MAP3K3: variants seen among roughly 807,000 people sequenced by gnomAD.
MAP3K3 encodes mitogen-activated protein kinase kinase kinase 3, also known as MAP/ERK kinase kinase 3.
Under a neutral mutation model 80.9 loss-of-function variants are expected in MAP3K3, and 12 were observed. That is an observed-to-expected ratio of 0.15 (90% CI 0.10 to 0.24). The LOEUF is 0.24. MAP3K3 is among the 10% of genes least tolerant of loss of function. The pLI, the probability that MAP3K3 is intolerant of heterozygous loss-of-function variation, is 1.00. For missense variants in MAP3K3, 596 were observed against 834.7 expected, an observed-to-expected ratio of 0.71 and a Z score of 3.52; for synonymous variants, 272 against 307.1, an observed-to-expected ratio of 0.89 and a Z score of 1.19.
At chr17:63,628,558 C>A (rs936098188) in intron 1 of MAP3K3, among the ~76,000 whole-genome samples, 1 of 152,082 alleles carries the variant, frequency 6.6e-6, no homozygotes, top group Non-Finnish European at 1.5e-5. Context: ...CGGGGTTTCT[C>A]CATGTTGGTC....
At chr17:63,688,302 G>A in intron 8 of MAP3K3, 1 of 584,338 alleles carries the variant, frequency 1.7e-6, no homozygotes, top group Non-Finnish European at 3.1e-6. Flanking sequence ...AGTTGGGTCA[G>A]ATGGGGGAGA....
At position 63,692,199 on chromosome 17, in the gene MAP3K3, C is replaced by G. The variant is rs1038221019; in HGVS notation, c.1475-43C>G. On this transcript the variant is annotated intron_variant, in intron 14 of 15. Transcript: ENST00000361733. The surrounding 1 kb of genome is among the most constrained non-coding windows in gnomAD (Gnocchi z 4.5). ...GGGGTGGGGAGGATGGGAGAAAATG[C>G]AAGAGGGTCCAGGGTTGCAGCCTCT... 1 of 1,607,822 alleles carries G rather than the reference C, an allele frequency of 6.2e-7. No homozygotes were observed. The highest frequency in any genetic ancestry group is 8.5e-7 in the Non-Finnish European group (1 of 1,177,368).
At chr17:63,663,563 G>T (rs1264851408) in intron 5 of MAP3K3, among the ~76,000 whole-genome samples, 1 of 151,900 alleles carries the variant, frequency 6.6e-6, no homozygotes, top group Non-Finnish European at 1.5e-5. Flanking sequence ...TATATAATCA[G>T]AGTCTTTAAA....
In MAP3K3 at chr17:63,692,485, C is replaced by A; in HGVS notation, c.1652+66C>A. ...CCATAGTGGCCCCCCATTAGAAACA[C>A]ACCCTGGGGACTTTGTGGTGTGGCA... On this transcript the variant is annotated intron_variant, in intron 15 of 15. Coordinates refer to ENST00000361733, the MANE Select transcript of MAP3K3 (RefSeq NM_002401.5). This position sits in a 1 kb window ranked among gnomAD's most constrained non-coding sequence, Gnocchi z 4.5. 6.7e-7 allele frequency: 1 copy of A among 1,493,114 alleles called. No individual in the cohort carries two copies. The highest frequency in any genetic ancestry group is 9.0e-7 in the Non-Finnish European group (1 of 1,112,822). 92.5% of individuals were successfully genotyped at this position (1,493,114 alleles called of 1,614,324 possible).
intron 1 of MAP3K3, among the ~76,000 whole-genome samples, chr17:63,625,852 G>A (rs1347423377): frequency 1.3e-5 from 2 of 152,068 alleles, no homozygotes; most frequent in Non-Finnish European, 1.5e-5. Context: ...CTGGTAGATC[G>A]CTTGAGCCCA....
At position 63,693,278 on chromosome 17, in the gene MAP3K3, C is replaced by G. The variant is rs1036822758; in HGVS notation, c.1653-271C>G. Among the ~76,000 whole-genome samples the G allele has an allele frequency of 1.3e-5, 2 of 152,210 alleles. No homozygotes were observed. The highest frequency in any genetic ancestry group is 2.9e-5 in the Non-Finnish European group (2 of 68,020). On this transcript the variant is annotated intron_variant, in intron 15 of 15. Coordinates refer to ENST00000361733, the MANE Select transcript of MAP3K3 (RefSeq NM_002401.5). The surrounding 1 kb of genome is among the most constrained non-coding windows in gnomAD (Gnocchi z 4.2). Reference sequence around the variant, plus strand: ...TAAGTTTGTGGTCATTTGTTAAGAGCAGCTATGGGTAGCTAATACAGTTAT... The same window carrying G: ...TAAGTTTGTGGTCATTTGTTAAGAGGAGCTATGGGTAGCTAATACAGTTAT...
chr17:63,674,362 C>T (rs944172980), intron 6 of MAP3K3, among the ~76,000 whole-genome samples: 10 of 151,870 alleles, frequency 6.6e-5, no homozygotes, highest in Admixed American at 3.9e-4. Flanking sequence ...CCCAGGAGTT[C>T]GAAACCAGCC....
chr17:63,693,567 G>A lies in MAP3K3; in HGVS notation c.1671G>A (p.Val557=). Residue 557 remains valine, a synonymous_variant, in exon 16 of 16, where the codon GTG becomes GTA. Coordinates refer to ENST00000361733, the MANE Select transcript of MAP3K3 (RefSeq NM_002401.5). This position sits in a 1 kb window ranked among gnomAD's most constrained non-coding sequence, Gnocchi z 4.2. The stretch of plus-strand genomic sequence containing the variant: ...TTTCCAGGAGCCTGGGCTGCACTGT[G>A]GTGGAGATGCTGACAGAGAAACCAC... ...KADVWSLGCT[V]VEMLTEKPPW... 6.2e-7 allele frequency: 1 copy of A among 1,608,852 alleles called. No individual in the cohort carries two copies. The highest frequency in any genetic ancestry group is 1.1e-5 in the South Asian group (1 of 90,456).
Position 63,691,162 on chromosome 17 carries a change from G to A in MAP3K3, c.1273G>A (p.Val425Met), listed in dbSNP as rs776560365. 1.9e-6 allele frequency: 3 copies of A among 1,614,074 alleles called. No individual in the cohort carries two copies. The highest frequency in any genetic ancestry group is 1.3e-5 in the African/African-American group (1 of 74,940). Residue 425 changes from valine to methionine, a missense_variant, in exon 13 of 16, where the codon GTG becomes ATG. Transcript: ENST00000361733. The surrounding 1 kb of genome is among the most constrained non-coding windows in gnomAD (Gnocchi z 4.8). ...LLKNLQHERIVQYYGCLRDRA... is the reference protein window; with the variant it reads ...LLKNLQHERIMQYYGCLRDRA... ...AAAGAACTTGCAGCATGAGCGCATC[G>A]TGCAGTACTATGGCTGTCTGCGGGA...
At chr17:63,690,441 T>A in intron 12 of MAP3K3, 29 bp downstream of exon 12, 3 of 1,604,326 alleles carry the variant, frequency 1.9e-6, no homozygotes, top group Non-Finnish European at 2.6e-6. Flanking sequence ...CTGACTTCAG[T>A]TCCCTCCTTT....
At chr17:63,645,924 C>G (rs2034532224) in intron 2 of MAP3K3, 110 bp from the exon 3 acceptor site, 4 of 769,246 alleles carry the variant, frequency 5.2e-6, no homozygotes, top group Non-Finnish European at 9.3e-6. Flanking sequence ...CAGGAGCCAT[C>G]AGGGATGTAT....
In MAP3K3 at chr17:63,693,122, C is replaced by T. The variant is rs1027954755; in HGVS notation, c.1653-427C>T. Among the ~76,000 whole-genome samples the T allele has an allele frequency of 5.3e-5, 8 of 152,162 alleles. No homozygotes were observed. The highest frequency in any genetic ancestry group is 2.0e-4 in the Admixed American group (3 of 15,280). The stretch of plus-strand genomic sequence containing the variant: ...CTAGAACCCAGGAAAGGCAAGGAAA[C>T]AGGTTCTCCCCTCAGAGCCTCTGAC... On this transcript the variant is annotated intron_variant, in intron 15 of 15. Coordinates refer to ENST00000361733, the MANE Select transcript of MAP3K3 (RefSeq NM_002401.5). The surrounding 1 kb of genome is among the most constrained non-coding windows in gnomAD (Gnocchi z 4.2).
At chr17:63,639,836 T>C (rs1300828499) in intron 2 of MAP3K3, among the ~76,000 whole-genome samples, 1 of 152,184 alleles carries the variant, frequency 6.6e-6, no homozygotes, top group East Asian at 1.9e-4. Flanking sequence ...TTACAAAATA[T>C]AATGCCAGGC....
chr17:63,672,283 C>CAA (rs150268322), intron 6 of MAP3K3, among the ~76,000 whole-genome samples: 55 of 46,546 alleles, frequency 1.2e-3, no homozygotes, highest in Non-Finnish European at 1.7e-3. Context: ...AACTCCATCT[C>CAA]AAAAAAAAAA....
intron 2 of MAP3K3, among the ~76,000 whole-genome samples, chr17:63,635,251 A>G (rs1385863245): frequency 3.3e-5 from 5 of 151,744 alleles, no homozygotes; most frequent in Non-Finnish European, 7.4e-5. Context: ...ATGTGTAGAT[A>G]TTCATTGGTA....
intron 6 of MAP3K3, among the ~76,000 whole-genome samples, chr17:63,679,826 A>G (rs941951870): frequency 3.3e-5 from 5 of 152,182 alleles, no homozygotes; most frequent in African/African-American, 1.2e-4. Flanking sequence ...ATAAACATGT[A>G]TACACACACA....
At chr17:63,651,931 A>G (rs2034664916) in intron 3 of MAP3K3, among the ~76,000 whole-genome samples, 1 of 152,224 alleles carries the variant, frequency 6.6e-6, no homozygotes. Flanking sequence ...AAGACCTTTC[A>G]AGTCCTAGAG....
At chr17:63,667,924 G>A (rs1046962892) in intron 6 of MAP3K3, among the ~76,000 whole-genome samples, 9 of 152,112 alleles carry the variant, frequency 5.9e-5, no homozygotes, top group African/African-American at 1.7e-4. Flanking sequence ...TCCTTCCCAG[G>A]ACAGGAATCT....
At position 63,691,008 on chromosome 17, in the gene MAP3K3, C is replaced by A. The variant is rs540664406; in HGVS notation, c.1213-94C>A. 1.1e-4 allele frequency: 164 copies of A among 1,484,688 alleles called. No individual in the cohort carries two copies. The highest frequency in any genetic ancestry group is 1.1e-3 in the Middle Eastern group (6 of 5,684). 92.0% of individuals were successfully genotyped at this position (1,484,688 alleles called of 1,614,324 possible). A position where few individuals can be genotyped will look rare whatever the true frequency, so the allele number is the denominator to read the frequency against. On this transcript the variant is annotated intron_variant, in intron 12 of 15. Coordinates refer to ENST00000361733, the MANE Select transcript of MAP3K3 (RefSeq NM_002401.5). This position sits in a 1 kb window ranked among gnomAD's most constrained non-coding sequence, Gnocchi z 4.8. ...CCAACTGCAGTTCCCAAGGCAGATC[C>A]CTGTGAGGCCACTAACTAGGGCAAG...
Sources: allele counts gnomAD v4.1 joint callset (sites outside exome capture counted in the v4.1 genomes callset), GRCh38; gene constraint gnomAD v4.1.1; non-coding constraint Gnocchi (gnomAD v3.1); transcripts MANE v1.5; gene names NCBI Gene and HGNC (gene_info 2026-07-23, HGNC 2026-07-21).